HPGDS: variants seen among roughly 807,000 people sequenced by gnomAD.
HPGDS encodes the protein hematopoietic prostaglandin D synthase.
In HPGDS, 26 loss-of-function variants were observed where a neutral mutation model predicts 23.1. The ratio of observed to expected loss-of-function variants is 1.13; its 90% CI spans 0.83 to 1.56. The LOEUF (loss-of-function observed/expected upper bound fraction) is 1.56. HPGDS is among the 40% of genes most tolerant of loss of function. HPGDS has a pLI of 0.00. For missense variants in HPGDS, 268 were observed against 236.4 expected, an observed-to-expected ratio of 1.13 and a Z score of -0.88; for synonymous variants, 95 against 77.9, an observed-to-expected ratio of 1.22 and a Z score of -1.16.
intron 3 of HPGDS, among the ~76,000 whole-genome samples, chr4:94,313,081 C>G (rs959290543): frequency 7.9e-5 from 12 of 152,100 alleles, no homozygotes; most frequent in South Asian, 2.1e-4. Flanking sequence ...TGGGTCTTGA[C>G]TCTTTATCCA....
At chr4:94,327,963 G>C in intron 2 of HPGDS, among the ~76,000 whole-genome samples, 1 of 152,158 alleles carries the variant, frequency 6.6e-6, no homozygotes, top group East Asian at 1.9e-4. Context: ...TTGGGTCTCA[G>C]GGGGTGTGTA....
chr4:94,316,069 G>T (rs894020463), intron 3 of HPGDS, among the ~76,000 whole-genome samples: 1 of 152,092 alleles, frequency 6.6e-6, no homozygotes, highest in African/African-American at 2.4e-5. Flanking sequence ...GGCCTCAACT[G>T]TGACTCAGCC....
At position 94,302,170 on chromosome 4, in the gene HPGDS, C is replaced by T. The variant is rs764951900; in HGVS notation, c.411G>A (p.Gly137=). 2 of 1,610,768 alleles carry T rather than the reference C, an allele frequency of 1.2e-6. No homozygotes were observed. Among genetic ancestry groups the T allele is most frequent in the Middle Eastern group, 1.7e-4 (1 of 6,052 alleles). The change falls in exon 5 of 6, where the codon GGG becomes GGA. Residue 137 remains glycine (G), a synonymous_variant. Coordinates refer to ENST00000295256, the MANE Select transcript of HPGDS (RefSeq NM_014485.3). ...LMQDLDTYLG[G]REWLIGNSVT... ...CAGAGTTACCAATAAGCCATTCTCTCCCCCCTAAATATGTGTCCAAGTCTT... is the reference window on the plus strand; with the variant it reads ...CAGAGTTACCAATAAGCCATTCTCTTCCCCCTAAATATGTGTCCAAGTCTT...
chr4:94,320,074 C>T (rs916892870), intron 2 of HPGDS, among the ~76,000 whole-genome samples: 1 of 152,128 alleles, frequency 6.6e-6, no homozygotes, highest in Non-Finnish European at 1.5e-5. Flanking sequence ...ATCCATGTCC[C>T]TACAAAGGAC....
rs536772824 is a variant in HPGDS at position 94,315,079 on chromosome 4, G to T, written c.226+2794C>A. Among the ~76,000 whole-genome samples the T allele has an allele frequency of 1.2e-3, 184 of 152,258 alleles. 1 individual carries two copies. The highest frequency in any genetic ancestry group is 4.1e-3 in the African/African-American group (170 of 41,544). ...AGGAAAGATAATCACCTAACCCCTT[G>T]CACTTCCTGGGTGAGGCGATGCCTC... is the stretch of plus-strand genomic sequence containing the variant. On this transcript the variant is annotated intron_variant, in intron 3 of 5. Coordinates refer to ENST00000295256, the MANE Select transcript of HPGDS (RefSeq NM_014485.3).
chr4:94,321,269 C>G (rs545357660), intron 2 of HPGDS, among the ~76,000 whole-genome samples: 119 of 152,198 alleles, frequency 7.8e-4, no homozygotes, highest in African/African-American at 2.7e-3. Flanking sequence ...TCCATATGAA[C>G]TTTAAAGTAG....
chr4:94,309,036 A>G (rs1029081986), intron 3 of HPGDS, among the ~76,000 whole-genome samples: 15 of 144,284 alleles, frequency 1.0e-4, no homozygotes, highest in Non-Finnish European at 2.0e-4. Flanking sequence ...ACAAGTACCC[A>G]AAGGGTGTAC....
intron 1 of HPGDS, among the ~76,000 whole-genome samples, chr4:94,340,390 G>C (rs1233346116): frequency 3.9e-4 from 46 of 116,860 alleles, no homozygotes; most frequent in African/African-American, 1.4e-3. Flanking sequence ...CCAGGCTGGA[G>C]TGCAGTGGCG....
At chr4:94,326,475 T>C (rs1756633578) in intron 2 of HPGDS, among the ~76,000 whole-genome samples, 1 of 151,740 alleles carries the variant, frequency 6.6e-6, no homozygotes, top group Non-Finnish European at 1.5e-5. Context: ...TCAGAAATTC[T>C]TCGCTTGACC....
At chr4:94,317,200 C>T (rs758484501) in intron 3 of HPGDS, among the ~76,000 whole-genome samples, 3 of 151,800 alleles carry the variant, frequency 2.0e-5, no homozygotes, top group Non-Finnish European at 4.4e-5. Context: ...TTGAAAGAAA[C>T]GAGCTTTAAA....
intron 3 of HPGDS, among the ~76,000 whole-genome samples, chr4:94,313,169 A>T (rs1225909435): frequency 6.6e-6 from 1 of 152,072 alleles, no homozygotes; most frequent in South Asian, 2.1e-4. Flanking sequence ...TGTGAATTTG[A>T]TCCTGTCATT....
At chr4:94,325,087 G>A (rs538967320) in intron 2 of HPGDS, among the ~76,000 whole-genome samples, 23 of 152,294 alleles carry the variant, frequency 1.5e-4, no homozygotes, top group African/African-American at 4.3e-4. Context: ...TATCACCAGC[G>A]GAGGCTGCAG....
chr4:94,322,232 T>TG (rs374537558), intron 2 of HPGDS, among the ~76,000 whole-genome samples: 97,582 of 151,628 alleles, frequency 0.64, 32,338 homozygotes, highest in African/African-American at 0.77. Context: ...TCTCTTTTTT[T>TG]TGTGTCTCTG....
chr4:94,325,178 T>G (rs148217929), intron 2 of HPGDS, among the ~76,000 whole-genome samples: 1,687 of 152,242 alleles, frequency 0.011, 12 homozygotes, highest in Non-Finnish European at 0.018. Context: ...CACCCAGCTG[T>G]ATGAGGTGTC....
At chr4:94,309,514 T>C (rs1237610806) in intron 3 of HPGDS, among the ~76,000 whole-genome samples, 1 of 152,160 alleles carries the variant, frequency 6.6e-6, no homozygotes, top group Non-Finnish European at 1.5e-5. Flanking sequence ...CACATTTTCT[T>C]AATCCAGTCT....
rs559015542 is a variant in HPGDS, at chr4:94,311,913, A to G, written c.227-3170T>C. Reference sequence around the variant, plus strand: ...TGTATCCATTTCTTCTAGATTTTCTAGTTTATTTGTGTAGAGGTGTTTATA... The same window carrying G: ...TGTATCCATTTCTTCTAGATTTTCTGGTTTATTTGTGTAGAGGTGTTTATA... On this transcript the variant is annotated intron_variant, in intron 3 of 5. Transcript: ENST00000295256. Among the ~76,000 whole-genome samples, 26 of 151,720 alleles carry G rather than the reference A, an allele frequency of 1.7e-4. 2 individuals are homozygous for G. In the South Asian group the frequency reaches 5.4e-3, roughly 31 times the overall value.
chr4:94,324,059 G>C (rs1010897327), intron 2 of HPGDS, among the ~76,000 whole-genome samples: 1 of 152,104 alleles, frequency 6.6e-6, no homozygotes, highest in Non-Finnish European at 1.5e-5. Flanking sequence ...GTTGAAAATT[G>C]TTTTATTTAA....
At chr4:94,305,790 G>T (rs1756128286) in intron 4 of HPGDS, among the ~76,000 whole-genome samples, 1 of 152,082 alleles carries the variant, frequency 6.6e-6, no homozygotes, top group Admixed American at 6.6e-5. Flanking sequence ...GAGGATAACA[G>T]CAGTTTCATT....
chr4:94,298,821 A>G lies in HPGDS; in HGVS notation c.*659T>C. ...AGCTCTTTTCTCGATAACTCTTTAT[A>G]TTCAGTTTGAATTTCATTCCAGGAT... On this transcript the variant is annotated 3_prime_UTR_variant, in exon 6 of 6. Coordinates refer to ENST00000295256, the MANE Select transcript of HPGDS (RefSeq NM_014485.3). 1 of 152,166 alleles carries G rather than the reference A, an allele frequency of 6.6e-6. No individual in the cohort carries two copies. The highest frequency in any genetic ancestry group is 1.9e-4 in the East Asian group (1 of 5,192). The allele number at this position is 152,166 out of a possible 1,614,324, so 9.4% of individuals were successfully genotyped here. A position where few individuals can be genotyped will look rare whatever the true frequency, so the allele number is the denominator to read the frequency against.
Sources: allele counts gnomAD v4.1 joint callset (sites outside exome capture counted in the v4.1 genomes callset), GRCh38; gene constraint gnomAD v4.1.1; transcripts MANE v1.5; gene names NCBI Gene and HGNC (gene_info 2026-07-23, HGNC 2026-07-21).